Variants in HELLS observed in about 807,000 individuals in gnomAD.
HELLS encodes the protein helicase, lymphoid specific, also known as lymphoid-specific helicase.
HELLS carries 32 observed loss-of-function variants against 120.0 expected under a neutral mutation model. The ratio of observed to expected loss-of-function variants is 0.27; its 90% confidence interval spans 0.20 to 0.36. HELLS has a LOEUF of 0.36. Ranked by LOEUF, HELLS falls within the 10% of genes least tolerant of loss-of-function variation. HELLS has a pLI of 1.00. For synonymous variants in HELLS, 341 were observed against 323.4 expected (o/e 1.05, Z -0.58); for missense variants, 650 against 993.4 (o/e 0.65, Z 4.65).
At chr10:94,584,042 G>C in intron 12 of HELLS, 1 of 1,102,300 alleles carries the variant, frequency 9.1e-7, no homozygotes, top group Non-Finnish European at 1.3e-6. Context: ...CTTCTTTGAA[G>C]GCAAATTGCC....
chr10:94,597,542 A>AT (rs1297683074), intron 21 of HELLS, among the ~76,000 whole-genome samples: 2 of 151,838 alleles, frequency 1.3e-5, no homozygotes, highest in Non-Finnish European at 2.9e-5. Flanking sequence ...ATTTTATTTT[A>AT]TTTTTTTGGA....
intron 2 of HELLS, among the ~76,000 whole-genome samples, chr10:94,549,665 G>A (rs536703663): frequency 1.3e-5 from 2 of 152,174 alleles, no homozygotes; most frequent in South Asian, 2.1e-4. Context: ...TTCTGCCCTC[G>A]GTGTCCATTG....
chr10:94,574,404 C>G (rs1844333012), intron 8 of HELLS, 150 bp from the exon 9 acceptor site: 3 of 717,320 alleles, frequency 4.2e-6, no homozygotes. Flanking sequence ...AAAGGACTTT[C>G]CAGTGTTGTT....
At chr10:94,572,368 T>C (rs1844221277) in intron 7 of HELLS, among the ~76,000 whole-genome samples, 1 of 152,190 alleles carries the variant, frequency 6.6e-6, no homozygotes, top group Non-Finnish European at 1.5e-5. Flanking sequence ...TATAGAACAT[T>C]TCCATTGTAA....
chr10:94,579,847 A>G (rs956904943), intron 10 of HELLS, among the ~76,000 whole-genome samples: 3 of 151,994 alleles, frequency 2.0e-5, no homozygotes, highest in African/African-American at 7.2e-5. Context: ...ACTCAGTAGT[A>G]TAACATGAAG....
chr10:94,554,374 T>G, intron 3 of HELLS, 126 bp downstream of exon 3: 1 of 613,228 alleles, frequency 1.6e-6, no homozygotes, highest in Non-Finnish European at 2.6e-6. Context: ...TTTTGACTAG[T>G]AAATATATAG....
rs985656322 is a variant in HELLS, at chr10:94,556,606, G to A, written c.277-1533G>A. On this transcript the variant is annotated intron_variant, in intron 3 of 21. Transcript: ENST00000348459. The stretch of plus-strand genomic sequence containing the variant: ...TTTCTGCTTATTTATAATTCTTCTC[G>A]CCCGTCCCTACCCCATGTTCTATCC... Among the ~76,000 whole-genome samples the A allele has an allele frequency of 4.6e-5, 7 of 151,860 alleles. No individual in the cohort carries two copies. In the South Asian group the frequency reaches 1.0e-3, roughly 23 times the overall value.
intron 17 of HELLS, 89 bp downstream of exon 17, chr10:94,592,603 T>C: frequency 1.1e-6 from 1 of 895,986 alleles, no homozygotes; most frequent in Admixed American, 3.1e-5. Context: ...GACCCACAAA[T>C]TGATAAAAAG....
In HELLS at chr10:94,601,627, G is replaced by A. The variant is rs1376430405; in HGVS notation, c.*5G>A. 2 of 1,469,526 alleles carry A rather than the reference G, an allele frequency of 1.4e-6. No homozygotes were observed. The highest frequency in any genetic ancestry group is 3.8e-5 in the Admixed American group (2 of 52,598). The allele number at this position is 1,469,526 out of a possible 1,614,324, so 91.0% of individuals were successfully genotyped here. A position where few individuals can be genotyped will look rare whatever the true frequency, so the allele number is the denominator to read the frequency against. The stretch of plus-strand genomic sequence containing the variant: ...AGTCCTGAATGTTTGTTTTAAAGTG[G>A]AGCTCAAGAATAGCTTTTAAAAGTT... On this transcript the variant is annotated 3_prime_UTR_variant, in exon 22 of 22. Transcript: ENST00000348459.
rs116488344 is a variant in HELLS at position 94,567,719 on chromosome 10, A to G, written c.436-3669A>G. ...CCAGGAGTTTAAGACTAGTTTGGGCAACATGGCGAAATCCTGTCTCTACAA... is the reference window on the plus strand; with the variant it reads ...CCAGGAGTTTAAGACTAGTTTGGGCGACATGGCGAAATCCTGTCTCTACAA... On this transcript the variant is annotated intron_variant, in intron 6 of 21. Coordinates refer to ENST00000348459, the MANE Select transcript of HELLS (RefSeq NM_018063.5). 3.1e-3 allele frequency among the ~76,000 whole-genome samples: 470 copies of G among 152,204 alleles called. 3 individuals are homozygous for G. The highest frequency in any genetic ancestry group is 0.011 in the African/African-American group (444 of 41,534).
At chr10:94,547,563 G>A (rs1842798424) in intron 2 of HELLS, among the ~76,000 whole-genome samples, 1 of 152,118 alleles carries the variant, frequency 6.6e-6, no homozygotes, top group African/African-American at 2.4e-5. Context: ...GCATTGTTTT[G>A]AATGCTTTAT....
intron 10 of HELLS, among the ~76,000 whole-genome samples, chr10:94,581,112 T>C (rs1370732320): frequency 1.3e-5 from 2 of 152,190 alleles, no homozygotes; most frequent in African/African-American, 2.4e-5. Flanking sequence ...TTGCATATTT[T>C]AGTAGGTCTC....
chr10:94,559,945 GC>G (rs1384623382), intron 4 of HELLS, among the ~76,000 whole-genome samples: 1 of 152,034 alleles, frequency 6.6e-6, no homozygotes, highest in Middle Eastern at 3.2e-3. Context: ...GATAATGAGA[GC>G]TGACTCTAAT....
intron 10 of HELLS, among the ~76,000 whole-genome samples, chr10:94,579,752 A>G (rs972545326): frequency 6.6e-6 from 1 of 151,810 alleles, no homozygotes; most frequent in African/African-American, 2.4e-5. Flanking sequence ...AAGCCATCCA[A>G]CTGTCTAGGC....
At chr10:94,547,901 A>G (rs1340678766) in intron 2 of HELLS, among the ~76,000 whole-genome samples, 1 of 152,202 alleles carries the variant, frequency 6.6e-6, no homozygotes, top group African/African-American at 2.4e-5. Context: ...CTGGTTGACT[A>G]TAACCAGTTA....
intron 6 of HELLS, among the ~76,000 whole-genome samples, chr10:94,564,579 AC>A (rs1843700649): frequency 6.6e-6 from 1 of 152,132 alleles, no homozygotes; most frequent in South Asian, 2.1e-4. Flanking sequence ...GTTCTGACAA[AC>A]CAGTTCCTTA....
At chr10:94,597,472 G>C (rs547276702) in intron 21 of HELLS, among the ~76,000 whole-genome samples, 17 of 152,110 alleles carry the variant, frequency 1.1e-4, no homozygotes, top group Admixed American at 4.6e-4. Context: ...GATTAATCAA[G>C]ATAATGTTAT....
At chr10:94,594,966 A>C (rs777964293) in intron 19 of HELLS, 112 bp downstream of exon 19, 1 of 784,736 alleles carries the variant, frequency 1.3e-6, no homozygotes, top group Non-Finnish European at 2.0e-6. Flanking sequence ...TCTGTGTCTC[A>C]CACCTGTAAT....
chr10:94,551,866 A>G (rs2134277951), intron 2 of HELLS, among the ~76,000 whole-genome samples: 1 of 151,904 alleles, frequency 6.6e-6, no homozygotes, highest in East Asian at 2.0e-4. Flanking sequence ...CAGCCTCCCA[A>G]GTAGCTGGGA....
Sources: allele counts gnomAD v4.1 joint callset (sites outside exome capture counted in the v4.1 genomes callset), GRCh38; gene constraint gnomAD v4.1.1; transcripts MANE v1.5; gene names NCBI Gene and HGNC (gene_info 2026-07-23, HGNC 2026-07-21).